The following SOX5 variants were observed in gnomAD, a reference collection of about 807,000 sequenced individuals.
SOX5 encodes the protein SRY-box transcription factor 5.
In SOX5, 9 loss-of-function variants were observed where a neutral mutation model predicts 92.0. That is an observed-to-expected ratio of 0.10 (90% CI 0.06 to 0.17). The LOEUF (loss-of-function observed/expected upper bound fraction) is 0.17. Ranked by LOEUF, SOX5 falls within the 10% of genes least tolerant of loss-of-function variation. The pLI is 1.00. For missense variants in SOX5, 642 were observed against 944.5 expected, an observed-to-expected ratio of 0.68 and a Z score of 4.20; for synonymous variants, 344 against 336.3, an observed-to-expected ratio of 1.02 and a Z score of -0.25.
chr12:23,721,188 C>G (rs554719915), intron 6 of SOX5, among the ~76,000 whole-genome samples: 1 of 152,066 alleles, frequency 6.6e-6, no homozygotes, highest in Admixed American at 6.6e-5. Context: ...CAGGTTCAAG[C>G]GATTCTCCTG....
At chr12:23,617,567 G>C (rs1223216153) in intron 8 of SOX5, among the ~76,000 whole-genome samples, 1 of 152,090 alleles carries the variant, frequency 6.6e-6, no homozygotes, top group African/African-American at 2.4e-5. Context: ...CTATCAATGA[G>C]GGGTGGAGTG....
intron 4 of SOX5, among the ~76,000 whole-genome samples, chr12:23,754,254 G>A (rs1365228033): frequency 6.6e-6 from 1 of 151,770 alleles, no homozygotes; most frequent in African/African-American, 2.4e-5. Flanking sequence ...GAGATCAGAA[G>A]GCTTGGAAAA....
intron 6 of SOX5, among the ~76,000 whole-genome samples, chr12:23,672,449 AG>A (rs1210022525): frequency 1.3e-5 from 2 of 152,094 alleles, no homozygotes; most frequent in African/African-American, 4.8e-5. Context: ...CTGTCACCAA[AG>A]GGCCCCTGGG....
intron 1 of SOX5, among the ~76,000 whole-genome samples, chr12:24,434,103 A>G (rs1188404109): frequency 6.6e-6 from 1 of 152,200 alleles, no homozygotes; most frequent in South Asian, 2.1e-4. Flanking sequence ...TGTCAAACTC[A>G]GAGATACCAA....
chr12:23,576,020 C>T (rs977641692), intron 9 of SOX5, among the ~76,000 whole-genome samples, 182 bp from the exon 10 acceptor site: 1 of 152,212 alleles, frequency 6.6e-6, no homozygotes, highest in African/African-American at 2.4e-5. Context: ...TTCAACTATA[C>T]ATTCAAAATA....
At chr12:24,201,416 T>C (rs957874692) in intron 4 of SOX5, among the ~76,000 whole-genome samples, 1 of 152,148 alleles carries the variant, frequency 6.6e-6, no homozygotes, top group Admixed American at 6.5e-5. Context: ...AGTTTCCTGA[T>C]GCTAAAAGGT....
intron 3 of SOX5, among the ~76,000 whole-genome samples, chr12:23,783,304 G>GT (rs1202332395): frequency 1.3e-5 from 2 of 152,142 alleles, no homozygotes; most frequent in Non-Finnish European, 2.9e-5. Flanking sequence ...GCTAAAGGAA[G>GT]TATGTCTAGT....
At chr12:23,812,448 A>G (rs576908977) in intron 3 of SOX5, among the ~76,000 whole-genome samples, 1 of 152,242 alleles carries the variant, frequency 6.6e-6, no homozygotes, top group African/African-American at 2.4e-5. Context: ...AGTAATTTCC[A>G]AAGAGAAAAC....
At chr12:24,171,286 C>G (rs1441727552) in intron 4 of SOX5, among the ~76,000 whole-genome samples, 2 of 134,494 alleles carry the variant, frequency 1.5e-5, no homozygotes, top group Non-Finnish European at 3.1e-5. Context: ...TGCAGTGGCC[C>G]AATCTTGGCT....
chr12:24,259,517 T>A (rs1199240281), intron 3 of SOX5, among the ~76,000 whole-genome samples: 3 of 152,124 alleles, frequency 2.0e-5, no homozygotes, highest in African/African-American at 7.2e-5. Flanking sequence ...ATTTTCAAAC[T>A]TACTGAAGAC....
chr12:23,772,003 G>A (rs2094949875), intron 3 of SOX5, among the ~76,000 whole-genome samples: 1 of 152,060 alleles, frequency 6.6e-6, no homozygotes, highest in Non-Finnish European at 1.5e-5. Context: ...CTGCCAAAAT[G>A]GACGTCTCTC....
At chr12:24,226,189 A>G (rs1236592409) in intron 3 of SOX5, among the ~76,000 whole-genome samples, 3 of 152,184 alleles carry the variant, frequency 2.0e-5, no homozygotes, top group Non-Finnish European at 2.9e-5. Context: ...GGTTCAAAAA[A>G]AAACTATGTA....
At chr12:24,404,626 G>A (rs532203446) in intron 1 of SOX5, among the ~76,000 whole-genome samples, 10 of 152,290 alleles carry the variant, frequency 6.6e-5, no homozygotes, top group African/African-American at 1.4e-4. Context: ...ATAATCCTGC[G>A]TGTAAGAGCT....
At chr12:23,810,855 C>G (rs1264281523) in intron 3 of SOX5, among the ~76,000 whole-genome samples, 1 of 152,114 alleles carries the variant, frequency 6.6e-6, no homozygotes, top group African/African-American at 2.4e-5. Context: ...TAGAAATTCT[C>G]TTGGGTTAAT....
intron 4 of SOX5, among the ~76,000 whole-genome samples, chr12:24,068,725 T>TATATATATATAC (rs1941260769): frequency 1.0e-5 from 1 of 97,372 alleles, no homozygotes; most frequent in Non-Finnish European, 2.1e-5. Context: ...TATATATATA[T>TATATATATATAC]ATATATATAT....
At chr12:24,320,486 T>C (rs1227147338) in intron 2 of SOX5, among the ~76,000 whole-genome samples, 1 of 152,228 alleles carries the variant, frequency 6.6e-6, no homozygotes, top group African/African-American at 2.4e-5. Flanking sequence ...TTGTTATTAG[T>C]TGTAACTTTA....
At chr12:24,529,627 T>A (rs940138075) in intron 1 of SOX5, among the ~76,000 whole-genome samples, 7 of 152,342 alleles carry the variant, frequency 4.6e-5, no homozygotes, top group African/African-American at 1.7e-4. Flanking sequence ...GGAATCTTAC[T>A]GCAAGCTGTA....
intron 4 of SOX5, among the ~76,000 whole-genome samples, chr12:24,014,433 T>C (rs1280681704): frequency 6.6e-6 from 1 of 152,200 alleles, no homozygotes. Flanking sequence ...TTTCAGTTCC[T>C]GCTCCATCCT....
Position 23,577,291 on chromosome 12 carries a change from T to C in SOX5, c.1165-1453A>G, listed in dbSNP as rs1203567144. 2.0e-5 allele frequency among the ~76,000 whole-genome samples: 3 copies of C among 149,196 alleles called. No individual in the cohort carries two copies. The East Asian group carries it at 6.1e-4, about 30-fold the overall frequency. On this transcript the variant is annotated intron_variant, in intron 9 of 14. Coordinates refer to ENST00000451604, the MANE Select transcript of SOX5 (RefSeq NM_006940.6). The stretch of plus-strand genomic sequence containing the variant: ...CTCATCGTGATCTCCGCCTGCCACT[T>C]CAAGTGATTCTCCTGCCTCAGCCTC...
Sources: gnomAD v4.1 joint callset for allele counts (sites outside exome capture counted in the v4.1 genomes callset) on GRCh38, gnomAD v4.1.1 for gene constraint, MANE v1.5 for transcripts, NCBI Gene and HGNC (gene_info 2026-07-23, HGNC 2026-07-21) for gene names.